NTRK3: variants seen among roughly 807,000 people sequenced by gnomAD.
The protein encoded by NTRK3 is NT-3 growth factor receptor.
In NTRK3, 24 loss-of-function variants were observed where a neutral mutation model predicts 91.7. The observed-to-expected ratio is 0.26, with a 90% CI of 0.19 to 0.37. NTRK3 has a LOEUF of 0.37. NTRK3 is among the 10% of genes least tolerant of loss of function. NTRK3 has a pLI of 1.00. For missense variants in NTRK3, 880 were observed against 1,068.9 expected, an observed-to-expected ratio of 0.82 and a Z score of 2.46; for synonymous variants, 483 against 404.0, an observed-to-expected ratio of 1.20 and a Z score of -2.34.
chr15:88,133,606 A>G (rs993294903), intron 10 of NTRK3, among the ~76,000 whole-genome samples: 1 of 152,224 alleles, frequency 6.6e-6, no homozygotes, highest in Non-Finnish European at 1.5e-5. Flanking sequence ...GCAACGTTTC[A>G]GTCTTTTATG....
At chr15:88,088,364 A>C (rs1291527322) in intron 13 of NTRK3, among the ~76,000 whole-genome samples, 1 of 152,202 alleles carries the variant, frequency 6.6e-6, no homozygotes, top group Non-Finnish European at 1.5e-5. Flanking sequence ...CAGAGGCATG[A>C]GATGTTTTTG....
intron 14 of NTRK3, among the ~76,000 whole-genome samples, chr15:87,952,141 AAAAGAAAAGAAGGAGAAAGAAAGAAG>A (rs1367633982): frequency 5.9e-5 from 9 of 152,010 alleles, no homozygotes; most frequent in African/African-American, 1.9e-4. Flanking sequence ...GAAAGAAAAG[AAAAGAAAAGAAGGAGAAAGAAAGAAG>A]AAAGAAAAGA....
chr15:88,036,026 C>T (rs2079040095), intron 13 of NTRK3, among the ~76,000 whole-genome samples: 2 of 151,886 alleles, frequency 1.3e-5, no homozygotes, highest in Non-Finnish European at 1.5e-5. Flanking sequence ...AAGAGATCCA[C>T]CATCTAATTA....
At chr15:88,091,239 C>G (rs1187120027) in intron 13 of NTRK3, among the ~76,000 whole-genome samples, 1 of 152,128 alleles carries the variant, frequency 6.6e-6, no homozygotes, top group East Asian at 1.9e-4. Flanking sequence ...GAAAGACCAG[C>G]AAAAATGCTG....
At chr15:87,940,110 A>G (rs770733798) in intron 15 of NTRK3, among the ~76,000 whole-genome samples, 26 of 152,004 alleles carry the variant, frequency 1.7e-4, no homozygotes, top group Non-Finnish European at 3.1e-4. Flanking sequence ...AACCTCACTC[A>G]CTATTCTCCC....
exon 10 of NTRK3, chr15:88,135,225 C>G (rs2041759992): frequency 6.2e-7 from 1 of 1,614,088 alleles, no homozygotes; most frequent in African/African-American, 1.3e-5. Context: ...GCAGGCAGCC[C>G]TCGGAAATCT....
At chr15:87,918,927 A>G (rs982116759) in intron 17 of NTRK3, among the ~76,000 whole-genome samples, 2 of 152,212 alleles carry the variant, frequency 1.3e-5, no homozygotes, top group African/African-American at 4.8e-5. Flanking sequence ...AATGTCATCA[A>G]AGAAACCGAG....
chr15:88,112,114 G>C (rs58039836), intron 13 of NTRK3, among the ~76,000 whole-genome samples: 1 of 152,044 alleles, frequency 6.6e-6, no homozygotes, highest in Admixed American at 6.5e-5. Flanking sequence ...CACAATGTTA[G>C]CCAGGATGGT....
intron 14 of NTRK3, among the ~76,000 whole-genome samples, chr15:87,941,448 C>G (rs2069836236): frequency 6.7e-6 from 1 of 149,858 alleles, no homozygotes; most frequent in Non-Finnish European, 1.5e-5. Context: ...AGACAAGACA[C>G]ACGCATGCAC....
intron 13 of NTRK3, among the ~76,000 whole-genome samples, chr15:88,077,037 C>A (rs1296405155): frequency 6.6e-6 from 1 of 152,098 alleles, no homozygotes; most frequent in African/African-American, 2.4e-5. Context: ...GAGGTTGCAA[C>A]GAGCCGAGAT....
chr15:87,983,848 G>A (rs142257040), intron 14 of NTRK3, among the ~76,000 whole-genome samples: 218 of 152,276 alleles, frequency 1.4e-3, no homozygotes, highest in Admixed American at 4.3e-3. Flanking sequence ...ACAGAGGGCA[G>A]GGCTTTCTTA....
intron 6 of NTRK3, among the ~76,000 whole-genome samples, chr15:88,140,722 A>T (rs890403914): frequency 5.9e-5 from 9 of 152,234 alleles, no homozygotes; most frequent in African/African-American, 2.2e-4. Context: ...TGAGAGTGAA[A>T]AAGGCAAATA....
At chr15:88,100,239 C>T (rs1334587069) in intron 13 of NTRK3, among the ~76,000 whole-genome samples, 1 of 152,192 alleles carries the variant, frequency 6.6e-6, no homozygotes, top group Non-Finnish European at 1.5e-5. Context: ...AAATGAGAAT[C>T]AAGCTCTGCT....
chr15:88,164,420 C>G (rs780425472), intron 5 of NTRK3, among the ~76,000 whole-genome samples: 6 of 152,228 alleles, frequency 3.9e-5, no homozygotes, highest in African/African-American at 4.8e-5. Flanking sequence ...CAGGGAGATC[C>G]AGTTAACCCC....
chr15:88,074,824 C>T (rs1311462244), intron 13 of NTRK3, among the ~76,000 whole-genome samples: 4 of 152,136 alleles, frequency 2.6e-5, no homozygotes, highest in Admixed American at 2.6e-4. Context: ...TTAAATCGTG[C>T]TATCTTTAAG....
intron 13 of NTRK3, among the ~76,000 whole-genome samples, chr15:88,113,693 G>A (rs1467195116): frequency 6.6e-6 from 1 of 152,086 alleles, no homozygotes; most frequent in Non-Finnish European, 1.5e-5. Context: ...CCTGGCACCT[G>A]TTTTTTATAA....
intron 13 of NTRK3, among the ~76,000 whole-genome samples, chr15:88,060,796 G>T (rs1418581704): frequency 6.6e-6 from 1 of 152,146 alleles, no homozygotes; most frequent in Non-Finnish European, 1.5e-5. Context: ...AGAAAAGAAG[G>T]AGGCATAATC....
At position 87,952,744 on chromosome 15, in the gene NTRK3, G is replaced by A. The variant is rs754535056; in HGVS notation, c.1586-11991C>T. ...CTCCGCAGACTGAGGAGACTGTCCGGGAGTCCCGAGAGGTCACGCTGGGCC... is the reference window on the plus strand; with the variant it reads ...CTCCGCAGACTGAGGAGACTGTCCGAGAGTCCCGAGAGGTCACGCTGGGCC... On this transcript the variant is annotated intron_variant, in intron 14 of 18. Transcript: ENST00000394480. Among the ~76,000 whole-genome samples, 15 of 152,236 alleles carry A rather than the reference G, an allele frequency of 9.9e-5. 1 individual carries two copies. The highest frequency in any genetic ancestry group is 3.1e-4 in the African/African-American group (13 of 41,542).
exon 18 of NTRK3, chr15:87,880,363 G>A (rs2141467953): frequency 3.1e-6 from 5 of 1,614,136 alleles, no homozygotes; most frequent in African/African-American, 1.3e-5. Flanking sequence ...TCTCTGTAGT[G>A]AACTTCCGGT....
Sources: allele counts gnomAD v4.1 joint callset (sites outside exome capture counted in the v4.1 genomes callset), GRCh38; gene constraint gnomAD v4.1.1; transcripts MANE v1.5; gene names NCBI Gene and HGNC (gene_info 2026-07-23, HGNC 2026-07-21).